Variants in ERICH1 observed in about 807,000 individuals in gnomAD.
ERICH1 encodes the protein glutamate-rich protein 1.
In ERICH1, 56 loss-of-function variants were observed where a neutral mutation model predicts 39.6. That is an observed-to-expected ratio of 1.41 (90% confidence interval 1.14 to 1.77). ERICH1 has a LOEUF of 1.77. Among genes scored for constraint, ERICH1 ranks in the 40% most tolerant of loss-of-function variants. The pLI is 0.00. For missense variants in ERICH1, 826 were observed against 575.4 expected, an observed-to-expected ratio of 1.44 and a Z score of -4.45; for synonymous variants, 313 against 223.6, an observed-to-expected ratio of 1.40 and a Z score of -3.57.
Position 626,743 on chromosome 8 carries a change from G to A in ERICH1, c.977-11459C>T, listed in dbSNP as rs1797613796. 2 of 190,078 alleles carry A rather than the reference G, an allele frequency of 1.1e-5. 1 individual carries two copies. The highest frequency in any genetic ancestry group is 2.3e-5 in the Non-Finnish European group (2 of 87,406). The allele number at this position is 190,078 out of a possible 1,614,324, so 11.8% of individuals were successfully genotyped here. On this transcript the variant is annotated intron_variant, in intron 3 of 3. Transcript: ENST00000522706. The stretch of plus-strand genomic sequence containing the variant: ...CTCATCGCGATGCCATCCTCATCCT[G>A]AGCCCCTGGACTCCTGTCCTGTCTC...
chr8:677,363 CTTG>C (rs1219770372), intron 3 of ERICH1, among the ~76,000 whole-genome samples: 1 of 152,212 alleles, frequency 6.6e-6, no homozygotes, highest in Non-Finnish European at 1.5e-5. Flanking sequence ...CCCACCGTGT[CTTG>C]TTGTGATTGG....
At position 621,034 on chromosome 8, in the gene ERICH1, CGAATACCTTTAAATAG is replaced by C. The variant is rs570813638; in HGVS notation, c.977-5766_977-5751del. Among the ~76,000 whole-genome samples the C allele has an allele frequency of 7.9e-4, 120 of 152,214 alleles. 1 individual carries two copies. The South Asian group carries it at 0.02, about 25-fold the overall frequency. On this transcript the variant is annotated intron_variant, in intron 3 of 3. Coordinates refer to the ERICH1 transcript ENST00000522706. ...TGGTGCATACACCATAAAATAAACT[CGAATACCTTTAAATAG>C]GATTGAAATCATAAAGTATATTGTC...
At chr8:668,251 G>A in intron 5 of ERICH1, 1 of 334,454 alleles carries the variant, frequency 3.0e-6, no homozygotes, top group Non-Finnish European at 5.7e-6. Context: ...GAGAGTTGGA[G>A]GTAAGCAAAA....
At chr8:679,384 C>T (rs1353726759) in intron 3 of ERICH1, among the ~76,000 whole-genome samples, 1 of 149,696 alleles carries the variant, frequency 6.7e-6, no homozygotes, top group Admixed American at 6.6e-5. Flanking sequence ...CAGCACCCAC[C>T]CCTCACAGCT....
intron 2 of ERICH1, among the ~76,000 whole-genome samples, chr8:707,783 A>C (rs1423131341): frequency 2.0e-5 from 3 of 152,264 alleles, no homozygotes; most frequent in African/African-American, 7.2e-5. Context: ...ACAAAAGAAA[A>C]AATAGATAAA....
At chr8:636,860 A>C (rs1041156813) in intron 3 of ERICH1, among the ~76,000 whole-genome samples, 2 of 152,076 alleles carry the variant, frequency 1.3e-5, no homozygotes, top group African/African-American at 4.8e-5. Context: ...ACGTGTTGGG[A>C]GTCACCTTCT....
chr8:629,495 C>T (rs1045893762), intron 3 of ERICH1, among the ~76,000 whole-genome samples: 20 of 148,888 alleles, frequency 1.3e-4, no homozygotes, highest in Admixed American at 5.4e-4. Flanking sequence ...CTGACTCACA[C>T]GCTACTGTGA....
At chr8:715,505 A>C (rs1436339985) in intron 2 of ERICH1, among the ~76,000 whole-genome samples, 1 of 152,218 alleles carries the variant, frequency 6.6e-6, no homozygotes, top group East Asian at 1.9e-4. Flanking sequence ...CAACGGGGCC[A>C]AGGGGGCCAC....
At chr8:683,165 G>GTCC (rs1403852183) in intron 3 of ERICH1, among the ~76,000 whole-genome samples, 1 of 152,230 alleles carries the variant, frequency 6.6e-6, no homozygotes, top group Non-Finnish European at 1.5e-5. Context: ...AGGGTGGTTT[G>GTCC]AGACCCCTGG....
chr8:624,729 T>G (rs1166282788), intron 3 of ERICH1, among the ~76,000 whole-genome samples: 1 of 151,782 alleles, frequency 6.6e-6, no homozygotes, highest in Non-Finnish European at 1.5e-5. Context: ...TATTTTTATT[T>G]TTATTTTTAT....
chr8:651,002 C>T (rs1041470882), intron 3 of ERICH1, among the ~76,000 whole-genome samples: 14 of 152,358 alleles, frequency 9.2e-5, no homozygotes, highest in African/African-American at 3.4e-4. Context: ...CAGAACACCC[C>T]TCGTTCGTCC....
intron 2 of ERICH1, among the ~76,000 whole-genome samples, chr8:696,490 CCT>C (rs1208177125): frequency 1.0e-4 from 2 of 19,308 alleles, no homozygotes; most frequent in Admixed American, 3.8e-4. Flanking sequence ...TGCGCTCGCT[CCT>C]CTCACCCTCT....
At chr8:634,533 C>T (rs1215676120) in intron 3 of ERICH1, among the ~76,000 whole-genome samples, 1 of 152,238 alleles carries the variant, frequency 6.6e-6, no homozygotes, top group African/African-American at 2.4e-5. Context: ...AGGGCGGCCC[C>T]GTCGGGCGGG....
intron 3 of ERICH1, among the ~76,000 whole-genome samples, chr8:651,515 C>T (rs752115268): frequency 7.2e-5 from 11 of 152,244 alleles, no homozygotes; most frequent in Admixed American, 2.6e-4. Context: ...GGAGCCAGCC[C>T]GGAGAGGCTC....
chr8:642,840 T>C (rs547372576), intron 3 of ERICH1, among the ~76,000 whole-genome samples: 15 of 151,978 alleles, frequency 9.9e-5, no homozygotes, highest in African/African-American at 2.9e-4. Context: ...GGCTGGAAAA[T>C]TGAGTGACAT....
chr8:679,893 A>AG (rs1805741538), intron 3 of ERICH1, among the ~76,000 whole-genome samples: 1 of 131,070 alleles, frequency 7.6e-6, no homozygotes, highest in African/African-American at 3.0e-5. Flanking sequence ...CTGTGAACAC[A>AG]GAAGATGCAA....
Position 664,280 on chromosome 8 carries a change from TA to T in ERICH1, c.*322del. ...AGATACAAGGTGATTCAAAACTTCATAAAAATATATGAGCTTCAAACTATAC... is the reference window on the plus strand; with the variant it reads ...AGATACAAGGTGATTCAAAACTTCATAAAATATATGAGCTTCAAACTATAC... On this transcript the variant is annotated 3_prime_UTR_variant, in exon 6 of 6. Coordinates refer to ENST00000262109, the MANE Select transcript of ERICH1 (RefSeq NM_207332.3). 9.8e-7 allele frequency: 1 copy of T among 1,019,094 alleles called. No individual in the cohort carries two copies. Among genetic ancestry groups the T allele is most frequent in the Non-Finnish European group, 1.2e-6 (1 of 852,354 alleles). 63.1% of individuals were successfully genotyped at this position (1,019,094 alleles called of 1,614,324 possible).
chr8:620,940 A>G (rs1442349004), intron 3 of ERICH1, among the ~76,000 whole-genome samples: 1 of 152,244 alleles, frequency 6.6e-6, no homozygotes, highest in Non-Finnish European at 1.5e-5. Context: ...CATCTACAGA[A>G]CACTTCACCA....
In ERICH1 at chr8:731,097, C is replaced by CGGGTCTG. The variant is rs751359443; in HGVS notation, c.22+36_22+42dup. The CGGGTCTG allele has an allele frequency of 3.0e-5, 43 of 1,428,644 alleles. No homozygotes were observed. The Admixed American group carries it at 9.9e-4, about 33-fold the overall frequency. The allele number at this position is 1,428,644 out of a possible 1,614,324, so 88.5% of individuals were successfully genotyped here. A position where few individuals can be genotyped will look rare whatever the true frequency, so the allele number is the denominator to read the frequency against. ...CAACACCGCGGTCTGAGCCGAGAGC[C>CGGGTCTG]GGGTCTGGGGTCTGGGCAGGCCTCC... is the stretch of plus-strand genomic sequence containing the variant. On this transcript the variant is annotated intron_variant, in intron 1 of 5. Coordinates refer to ENST00000262109, the MANE Select transcript of ERICH1 (RefSeq NM_207332.3).
Sources: allele counts gnomAD v4.1 joint callset (sites outside exome capture counted in the v4.1 genomes callset), GRCh38; gene constraint gnomAD v4.1.1; transcripts MANE v1.5; gene names NCBI Gene and HGNC (gene_info 2026-07-23, HGNC 2026-07-21).